MAF: variants seen among roughly 807,000 people sequenced by gnomAD.
The protein encoded by MAF is MAF bZIP transcription factor.
A neutral mutation model predicts 22.0 loss-of-function variants in MAF; 10 were observed. The observed-to-expected ratio is 0.45, with a 90% confidence interval of 0.28 to 0.77. The LOEUF is 0.77. MAF is among the 30% of genes least tolerant of loss of function. The pLI is 0.12. For missense variants in MAF, 544 were observed against 548.4 expected (o/e 0.99, Z 0.08); for synonymous variants, 337 against 255.8 (o/e 1.32, Z -3.03).
At chr16:79,315,956 C>T in the MAF span, among the ~76,000 whole-genome samples, 1 of 152,194 alleles carries the variant, frequency 6.6e-6, no homozygotes, top group Non-Finnish European at 1.5e-5. Flanking sequence ...CTACAGTCCT[C>T]ACAATAGCAC....
At chr16:79,256,176 G>C in the MAF span, among the ~76,000 whole-genome samples, 5 of 151,148 alleles carry the variant, frequency 3.3e-5, no homozygotes, top group Middle Eastern at 3.4e-3. Flanking sequence ...TTTTAGTAGA[G>C]ACGGGATTTC....
the MAF span, among the ~76,000 whole-genome samples, chr16:79,318,144 A>T: frequency 7.9e-5 from 12 of 152,342 alleles, no homozygotes; most frequent in African/African-American, 2.9e-4. Context: ...GTGGGGCTAC[A>T]GGGAAGAGCA....
At chr16:79,361,559 G>A in the MAF span, among the ~76,000 whole-genome samples, 3 of 152,134 alleles carry the variant, frequency 2.0e-5, no homozygotes. Flanking sequence ...GGCTGCCTGG[G>A]AACATTACAC....
the MAF span, among the ~76,000 whole-genome samples, chr16:79,271,549 C>A: frequency 1.5e-4 from 23 of 152,274 alleles, no homozygotes; most frequent in African/African-American, 5.5e-4. Flanking sequence ...ACTGTGACAG[C>A]CTCTGGGTAA....
chr16:79,434,738 A>T, the MAF span, among the ~76,000 whole-genome samples: 2 of 152,210 alleles, frequency 1.3e-5, no homozygotes, highest in African/African-American at 4.8e-5. Flanking sequence ...CCTATTAAAG[A>T]TTATATGATA....
At chr16:79,374,802 G>T in the MAF span, among the ~76,000 whole-genome samples, 11 of 152,118 alleles carry the variant, frequency 7.2e-5, no homozygotes, top group Admixed American at 7.2e-4. Context: ...CTCTGACTTT[G>T]TGTTTTATAG....
the MAF span, among the ~76,000 whole-genome samples, chr16:79,445,286 G>C: frequency 9.2e-5 from 14 of 151,756 alleles, 1 homozygote; most frequent in Admixed American, 7.9e-4. Context: ...CTCGTGATCT[G>C]CCCGCCTTGG....
At chr16:79,576,219 G>C in the MAF span, among the ~76,000 whole-genome samples, 2 of 109,538 alleles carry the variant, frequency 1.8e-5, no homozygotes, top group African/African-American at 7.1e-5. Context: ...TAATAAAAGA[G>C]TCCTGTGGTA....
chr16:79,590,052 C>G (rs1457339492), downstream of MAF, among the ~76,000 whole-genome samples: 2 of 152,166 alleles, frequency 1.3e-5, no homozygotes, highest in African/African-American at 4.8e-5. Flanking sequence ...ACCTACTGTA[C>G]GCCCCTCGGG....
chr16:79,450,837 A>ATT, the MAF span, among the ~76,000 whole-genome samples: 1 of 150,240 alleles, frequency 6.7e-6, no homozygotes, highest in African/African-American at 2.4e-5. Flanking sequence ...ACATTTTTAC[A>ATT]TTTTTTTTTT....
chr16:79,404,080 C>G, the MAF span, among the ~76,000 whole-genome samples: 1 of 151,918 alleles, frequency 6.6e-6, no homozygotes, highest in Non-Finnish European at 1.5e-5. Context: ...CCACCTTGAT[C>G]TGTTTCCATT....
chr16:79,241,248 C>G, the MAF span, among the ~76,000 whole-genome samples: 200 of 152,112 alleles, frequency 1.3e-3, no homozygotes, highest in African/African-American at 4.3e-3. Flanking sequence ...CTTCACCGAG[C>G]TAAAGGAGCA....
In MAF at chr16:79,599,567, G is replaced by C. The variant is rs1363689953; in HGVS notation, c.336C>G (p.Asp112Glu). The change falls in exon 1 of 2, where the codon GAC becomes GAG. Residue 112 changes from aspartate to glutamate, a missense_variant. Transcript: ENST00000326043. ...NPEALGFSPE[D>E]AVEALISNSH... ...TGTTGCTGATGAGCGCCTCGACCGC[G>C]TCCTCGGGGCTGAAGCCCAGCGCCT... 6.3e-7 allele frequency: 1 copy of C among 1,596,058 alleles called. No individual in the cohort carries two copies. Among genetic ancestry groups the C allele is most frequent in the Non-Finnish European group, 8.5e-7 (1 of 1,172,178 alleles).
At chr16:79,433,009 C>T in the MAF span, among the ~76,000 whole-genome samples, 20 of 152,292 alleles carry the variant, frequency 1.3e-4, no homozygotes, top group East Asian at 1.9e-3. Context: ...CAAACTAATA[C>T]ACCAGGTAAG....
chr16:79,352,549 T>C, the MAF span, among the ~76,000 whole-genome samples: 1 of 152,188 alleles, frequency 6.6e-6, no homozygotes, highest in African/African-American at 2.4e-5. Flanking sequence ...GAAATTGGGC[T>C]ACATATCACC....
chr16:79,269,434 C>G, the MAF span, among the ~76,000 whole-genome samples: 1 of 152,246 alleles, frequency 6.6e-6, no homozygotes. Context: ...CTCTTTCTTT[C>G]TCTCTGGCGA....
the MAF span, among the ~76,000 whole-genome samples, chr16:79,230,027 C>G: frequency 1.3e-5 from 2 of 152,074 alleles, no homozygotes; most frequent in African/African-American, 4.8e-5. Flanking sequence ...AAGCACTACA[C>G]TGAATCCTTC....
chr16:79,209,721 A>C, the MAF span, among the ~76,000 whole-genome samples: 2 of 152,220 alleles, frequency 1.3e-5, no homozygotes, highest in South Asian at 4.1e-4. Context: ...AGTTAGCTGG[A>C]TGAGCATCTC....
chr16:79,389,963 C>A, the MAF span, among the ~76,000 whole-genome samples: 1 of 103,944 alleles, frequency 9.6e-6, no homozygotes, highest in African/African-American at 3.9e-5. Flanking sequence ...GGCAACACAG[C>A]GAGACTCCAT....
Sources: gnomAD v4.1 joint callset for allele counts (sites outside exome capture counted in the v4.1 genomes callset) on GRCh38, gnomAD v4.1.1 for gene constraint, MANE v1.5 for transcripts, NCBI Gene and HGNC (gene_info 2026-07-23, HGNC 2026-07-21) for gene names.